Variants in CLCN7 observed in about 807,000 individuals in gnomAD.
CLCN7 encodes the protein H(+)/Cl(-) exchange transporter 7.
Under a neutral mutation model 102.1 loss-of-function variants are expected in CLCN7, and 60 were observed. The ratio of observed to expected loss-of-function variants is 0.59; its 90% CI spans 0.48 to 0.73. The LOEUF (loss-of-function observed/expected upper bound fraction) is 0.73. CLCN7 is among the 30% of genes least tolerant of loss of function. CLCN7 has a pLI of 0.00. For synonymous variants in CLCN7, 560 were observed against 490.5 expected, an observed-to-expected ratio of 1.14 and a Z score of -1.87; for missense variants, 962 against 1,125.7, an observed-to-expected ratio of 0.85 and a Z score of 2.08.
Position 1,472,704 on chromosome 16 carries a change from C to G in CLCN7, c.141+2130G>C, listed in dbSNP as rs552862589. ...TTCAGCCCTTAAAGTTGGGTTTATT[C>G]CTTCTACCTTGTGAACTTCAGATTT... On this transcript the variant is annotated intron_variant, in intron 1 of 24. Coordinates refer to ENST00000382745, the MANE Select transcript of CLCN7 (RefSeq NM_001287.6). The G allele has an allele frequency of 3.3e-5, 5 of 151,988 alleles. No individual in the cohort carries two copies. The South Asian group carries it at 1.0e-3, about 32-fold the overall frequency. The allele number at this position is 151,988 out of a possible 1,614,324, so 9.4% of individuals were successfully genotyped here. A position where few individuals can be genotyped will look rare whatever the true frequency, so the allele number is the denominator to read the frequency against.
At chr16:1,450,066 C>A (rs528924218) in intron 17 of CLCN7, 71 of 207,934 alleles carry the variant, frequency 3.4e-4, no homozygotes, top group Non-Finnish European at 5.3e-4. Context: ...CCAGTCCCAG[C>A]AGAGGCAGGC....
Position 1,454,451 on chromosome 16 carries a change from C to G in CLCN7, c.1113G>C (p.Thr371=), listed in dbSNP as rs373632347. The G allele has an allele frequency of 1.9e-6, 3 of 1,613,702 alleles. No individual in the cohort carries two copies. The South Asian group carries it at 3.3e-5, about 18-fold the overall frequency. The change falls in exon 13 of 25, where the codon ACG becomes ACC. Residue 371 remains threonine (T), a synonymous_variant. Transcript: ENST00000382745. ...CGATGAAGACCGGGATCTCGTGGAT[C>G]GTGTAGGCCATTTTCTGTGCAGAGA... ...GRFDSEKMAY[T]IHEIPVFIAM... is the part of the protein sequence containing the mutation.
chr16:1,465,087 T>G (rs1034031191), intron 2 of CLCN7, among the ~76,000 whole-genome samples, 180 bp downstream of exon 2: 1 of 152,158 alleles, frequency 6.6e-6, no homozygotes, highest in Non-Finnish European at 1.5e-5. Flanking sequence ...CTGAGAGCAC[T>G]TCTGCCCAGC....
Position 1,453,889 on chromosome 16 carries a change from C to G in CLCN7, c.1159G>C (p.Val387Leu), listed in dbSNP as rs368848461. The G allele has an allele frequency of 1.2e-6, 2 of 1,613,076 alleles. No homozygotes were observed. The highest frequency in any genetic ancestry group is 1.1e-5 in the South Asian group (1 of 91,094). Residue 387 changes from valine to leucine, a missense_variant, in exon 14 of 25, where the codon GTG becomes CTG. Coordinates refer to ENST00000382745, the MANE Select transcript of CLCN7 (RefSeq NM_001287.6). ...VFIAMGVVGGVLGAVFNALNY... is the reference protein window; with the variant it reads ...VFIAMGVVGGLLGAVFNALNY... ...AAGGCATTGAACACTGCTCCAAGCA[C>G]ACCGCCTGCGAACAGGGGAAAGGCC...
At chr16:1,461,493 C>A (rs1380173611) in intron 3 of CLCN7, 23 bp from the exon 4 acceptor site, 2 of 1,593,372 alleles carry the variant, frequency 1.3e-6, no homozygotes, top group African/African-American at 1.3e-5. Context: ...ACAGCAAGGG[C>A]AGCACTCAGC....
chr16:1,450,253 C>T, intron 17 of CLCN7: 1 of 574,902 alleles, frequency 1.7e-6, no homozygotes. Context: ...AGGACACGAG[C>T]CTCCGCCCCC....
At chr16:1,458,439 C>T (rs1273667338) in intron 7 of CLCN7, among the ~76,000 whole-genome samples, 1 of 152,264 alleles carries the variant, frequency 6.6e-6, no homozygotes, top group Non-Finnish European at 1.5e-5. Context: ...GGTCGCCATT[C>T]CCAGCTGCTC....
rs751814243 is a variant in CLCN7, at chr16:1,447,554, C to T, written c.2088G>A (p.Arg696=). Residue 696 remains arginine (R), a synonymous_variant, in exon 23 of 25, where the codon CGG becomes CGA. Transcript: ENST00000382745. The stretch of plus-strand genomic sequence containing the variant: ...GCCGCTGTACCAGGCCCAGGTTGGA[C>T]CGCTCCACAAACACCTGCGGGCGGC... ...VLLKHKVFVE[R]SNLGLVQRRL... 3.5e-5 allele frequency: 54 copies of T among 1,556,060 alleles called. No individual in the cohort carries two copies. Among genetic ancestry groups the T allele is most frequent in the Non-Finnish European group, 4.3e-5 (50 of 1,150,246 alleles).
intron 1 of CLCN7, among the ~76,000 whole-genome samples, chr16:1,473,265 CA>C (rs1192464491): frequency 1.3e-5 from 2 of 150,878 alleles, no homozygotes; most frequent in African/African-American, 4.9e-5. Flanking sequence ...TTCTTATCAG[CA>C]AAAGGCAGAC....
intron 2 of CLCN7, 112 bp downstream of exon 2, chr16:1,465,155 C>A (rs2038987460): frequency 2.1e-6 from 2 of 942,604 alleles, no homozygotes; most frequent in Admixed American, 3.9e-5. Context: ...TTCCCTGAAC[C>A]CCGGCCCTGG....
chr16:1,471,426 T>G (rs1446400552), intron 1 of CLCN7, among the ~76,000 whole-genome samples: 2 of 152,154 alleles, frequency 1.3e-5, no homozygotes, highest in Non-Finnish European at 2.9e-5. Flanking sequence ...CAAGGGCAGC[T>G]TACAGTACCC....
intron 1 of CLCN7, among the ~76,000 whole-genome samples, chr16:1,466,000 G>A (rs978074229): frequency 1.3e-5 from 2 of 152,242 alleles, no homozygotes; most frequent in African/African-American, 4.8e-5. Context: ...GCCAGGCTAG[G>A]AGGAGCCAAG....
chr16:1,471,738 A>T (rs1261658050), intron 1 of CLCN7: 1 of 152,288 alleles, frequency 6.6e-6, no homozygotes, highest in Non-Finnish European at 1.5e-5. Context: ...GCAGGAGGCC[A>T]TCGGCGAGTC....
chr16:1,455,338 T>C, intron 11 of CLCN7, 88 bp from the exon 12 acceptor site: 1 of 901,530 alleles, frequency 1.1e-6, no homozygotes, highest in Non-Finnish European at 1.9e-6. Context: ...GCCCCTCCTG[T>C]CAGCCCCGGG....
At chr16:1,450,434 C>G (rs1283829580) in intron 17 of CLCN7, 63 bp downstream of exon 17, 28 of 1,478,692 alleles carry the variant, frequency 1.9e-5, no homozygotes, top group Non-Finnish European at 2.6e-5. Context: ...TGCTCCGGCC[C>G]GCGATGCCGC....
chr16:1,447,451 G>C lies in CLCN7; in HGVS notation c.2191C>G (p.Arg731Gly), dbSNP rs958814324. 1.7e-5 allele frequency: 27 copies of C among 1,552,226 alleles called. No individual in the cohort carries two copies. The highest frequency in any genetic ancestry group is 5.8e-5 in the Admixed American group (3 of 51,348). Residue 731 changes from arginine to glycine, a missense_variant, in exon 23 of 25, where the codon CGG becomes GGG. Arg to Gly is a moderately radical substitution (Grantham distance 125). Transcript: ENST00000382745. ...IQSIHVSQDERECTMDLSEFM... is the reference protein window; with the variant it reads ...IQSIHVSQDEGECTMDLSEFM... ...TCGGAGAGGTCCATGGTGCACTCCC[G>C]CTCGTCCTGGGACACGTGGATGGAC...
rs767702827 is a variant in CLCN7, at chr16:1,460,412, A to T, written c.594+6T>A. On this transcript the variant is annotated splice_donor_region_variant and intron_variant, in intron 6 of 24. Coordinates refer to ENST00000382745, the MANE Select transcript of CLCN7 (RefSeq NM_001287.6). ...TCCGCCATAGCTGCGGCATCCTGCCACCCACCTCTATGAAAGCCACAATCA... is the reference window on the plus strand; with the variant it reads ...TCCGCCATAGCTGCGGCATCCTGCCTCCCACCTCTATGAAAGCCACAATCA... 1.2e-6 allele frequency: 2 copies of T among 1,607,834 alleles called. No homozygotes were observed. The highest frequency in any genetic ancestry group is 1.7e-6 in the Non-Finnish European group (2 of 1,174,864).
intron 1 of CLCN7, among the ~76,000 whole-genome samples, chr16:1,470,709 T>A (rs2039066736): frequency 6.6e-6 from 1 of 152,146 alleles, no homozygotes; most frequent in South Asian, 2.1e-4. Context: ...CTTCCTCAAG[T>A]ACAGCAGAGC....
At chr16:1,447,228 C>G (rs767480212) in intron 23 of CLCN7, 142 bp from the exon 24 acceptor site, 1 of 1,146,550 alleles carries the variant, frequency 8.7e-7, no homozygotes, top group Non-Finnish European at 1.3e-6. Context: ...GCCCCCTCAG[C>G]CCCTTGACTT....
Sources: gnomAD v4.1 joint callset for allele counts (sites outside exome capture counted in the v4.1 genomes callset) on GRCh38, gnomAD v4.1.1 for gene constraint, MANE v1.5 for transcripts, NCBI Gene and HGNC (gene_info 2026-07-23, HGNC 2026-07-21) for gene names.